The following SDK1 variants were observed in gnomAD, a reference collection of about 807,000 sequenced individuals.
SDK1 encodes protein sidekick-1.
Under a neutral mutation model 245.5 loss-of-function variants are expected in SDK1, and 157 were observed. That is an observed-to-expected ratio of 0.64 (90% CI 0.56 to 0.73). SDK1 has a LOEUF of 0.73. Among genes scored for constraint, SDK1 ranks in the 30% least tolerant of loss-of-function variants. The pLI is 0.00. For synonymous variants in SDK1, 1,647 were observed against 1,278.5 expected, an observed-to-expected ratio of 1.29 and a Z score of -6.15; for missense variants, 3,583 against 3,002.3, an observed-to-expected ratio of 1.19 and a Z score of -4.52.
chr7:3,339,271 A>G lies in SDK1; in HGVS notation c.298+37387A>G, dbSNP rs115679596. Among the ~76,000 whole-genome samples the G allele has an allele frequency of 3.7e-3, 568 of 152,326 alleles. 6 individuals are homozygous for G. Among genetic ancestry groups the G allele is most frequent in the African/African-American group, 0.013 (536 of 41,574 alleles). On this transcript the variant is annotated intron_variant, in intron 1 of 44. Transcript: ENST00000404826. Reference sequence around the variant, plus strand: ...TATGTACACACCAAACAGAACCTCAAGATACATGAAGCAAAAACTGAGCTG... The same window carrying G: ...TATGTACACACCAAACAGAACCTCAGGATACATGAAGCAAAAACTGAGCTG...
At chr7:3,491,562 C>A (rs1406081716) in intron 1 of SDK1, among the ~76,000 whole-genome samples, 1 of 152,162 alleles carries the variant, frequency 6.6e-6, no homozygotes, top group African/African-American at 2.4e-5. Context: ...TCGCAGTCTT[C>A]TATAGAAATT....
intron 4 of SDK1, among the ~76,000 whole-genome samples, chr7:3,648,830 G>C (rs1036445204): frequency 6.6e-6 from 1 of 152,196 alleles, no homozygotes. Flanking sequence ...TTCCAGGCCT[G>C]CTTTCACCGT....
chr7:3,611,132 G>T (rs559529297), intron 1 of SDK1, among the ~76,000 whole-genome samples: 3 of 152,264 alleles, frequency 2.0e-5, no homozygotes, highest in Admixed American at 6.5e-5. Flanking sequence ...GAGAAGTTGG[G>T]TGGGTAATTT....
At chr7:3,674,577 T>G (rs1479219434) in intron 4 of SDK1, among the ~76,000 whole-genome samples, 4 of 152,132 alleles carry the variant, frequency 2.6e-5, no homozygotes, top group African/African-American at 9.7e-5. Context: ...CATGGCTGTT[T>G]GGGGATTCAT....
chr7:3,939,456 A>G (rs1780276886), intron 5 of SDK1, among the ~76,000 whole-genome samples: 1 of 152,166 alleles, frequency 6.6e-6, no homozygotes, highest in Non-Finnish European at 1.5e-5. Context: ...GGAATTTTCT[A>G]TTTCGTGAAC....
intron 7 of SDK1, chr7:3,958,227 T>C (rs1332923049): frequency 1.1e-5 from 3 of 283,020 alleles, no homozygotes; most frequent in South Asian, 3.0e-5. Context: ...ACCTTAATAC[T>C]TGACAAACTT....
intron 1 of SDK1, among the ~76,000 whole-genome samples, chr7:3,513,987 T>C (rs559094806): frequency 6.6e-6 from 1 of 152,362 alleles, no homozygotes; most frequent in East Asian, 1.9e-4. Context: ...GGCTGTGTAA[T>C]ATTCCATGGT....
chr7:3,568,124 G>A (rs1779986437), intron 1 of SDK1, among the ~76,000 whole-genome samples: 3 of 152,126 alleles, frequency 2.0e-5, no homozygotes, highest in Admixed American at 6.5e-5. Context: ...TCCAACCTCC[G>A]TGGTTCTTTG....
chr7:3,370,383 A>G (rs1436084384), intron 1 of SDK1, among the ~76,000 whole-genome samples: 1 of 152,228 alleles, frequency 6.6e-6, no homozygotes, highest in Non-Finnish European at 1.5e-5. Context: ...GTTGTTCTTT[A>G]TAAGTCTGTA....
At chr7:4,054,143 G>C (rs1456515651) in intron 19 of SDK1, among the ~76,000 whole-genome samples, 1 of 152,138 alleles carries the variant, frequency 6.6e-6, no homozygotes, top group East Asian at 1.9e-4. Flanking sequence ...GTTTCACCAT[G>C]TTGGCCAGGC....
chr7:4,243,916 C>A (rs1416821822), intron 43 of SDK1, among the ~76,000 whole-genome samples: 1 of 152,252 alleles, frequency 6.6e-6, no homozygotes, highest in Admixed American at 6.5e-5. Flanking sequence ...CTCCCCCGTG[C>A]ACGTTTGTGC....
chr7:4,002,745 C>G (rs1198162282), intron 14 of SDK1, among the ~76,000 whole-genome samples: 1 of 152,074 alleles, frequency 6.6e-6, no homozygotes, highest in Non-Finnish European at 1.5e-5. Flanking sequence ...GGAAAAAAAT[C>G]TGGTTGGGAG....
chr7:3,471,494 C>G (rs772837615), intron 1 of SDK1, among the ~76,000 whole-genome samples: 6 of 152,088 alleles, frequency 3.9e-5, no homozygotes, highest in African/African-American at 7.2e-5. Context: ...TACTTAAAAC[C>G]TTGCTAATTA....
At chr7:3,864,252 G>T (rs1338226609) in intron 5 of SDK1, among the ~76,000 whole-genome samples, 1 of 152,042 alleles carries the variant, frequency 6.6e-6, no homozygotes, top group Non-Finnish European at 1.5e-5. Flanking sequence ...ATTTGGGCAG[G>T]GATCAAGTTT....
intron 22 of SDK1, among the ~76,000 whole-genome samples, chr7:4,091,593 TC>T (rs1781807257): frequency 6.6e-6 from 1 of 152,102 alleles, no homozygotes; most frequent in Non-Finnish European, 1.5e-5. Context: ...TCCACCCACC[TC>T]AGCCTCCAAA....
intron 1 of SDK1, among the ~76,000 whole-genome samples, chr7:3,604,827 C>A (rs1271854296): frequency 6.6e-6 from 1 of 151,858 alleles, no homozygotes; most frequent in Non-Finnish European, 1.5e-5. Context: ...GTCTTGAACT[C>A]CCAACTTCTG....
intron 1 of SDK1, among the ~76,000 whole-genome samples, chr7:3,508,438 C>T (rs575786909): frequency 5.3e-5 from 8 of 151,582 alleles, no homozygotes; most frequent in South Asian, 4.2e-4. Flanking sequence ...AACAATTCTC[C>T]TGCCTCAGCC....
At chr7:3,854,365 G>A (rs547445570) in intron 5 of SDK1, among the ~76,000 whole-genome samples, 14 of 152,288 alleles carry the variant, frequency 9.2e-5, no homozygotes, top group African/African-American at 2.9e-4. Flanking sequence ...TATAGAGTAT[G>A]TGTGCAGATT....
At chr7:3,846,324 A>C (rs1176251937) in intron 5 of SDK1, among the ~76,000 whole-genome samples, 3 of 152,244 alleles carry the variant, frequency 2.0e-5, no homozygotes, top group African/African-American at 7.2e-5. Context: ...CATGAAAATA[A>C]GTAGAGTCTA....
Sources: allele counts gnomAD v4.1 joint callset (sites outside exome capture counted in the v4.1 genomes callset), GRCh38; gene constraint gnomAD v4.1.1; transcripts MANE v1.5; gene names NCBI Gene and HGNC (gene_info 2026-07-23, HGNC 2026-07-21).